TET1: variants seen among roughly 807,000 people sequenced by gnomAD.
TET1 encodes the protein tet methylcytosine dioxygenase 1, also known as methylcytosine dioxygenase TET1.
In TET1, 13 loss-of-function variants were observed where a neutral mutation model predicts 148.7. That is an observed-to-expected ratio of 0.09 (90% confidence interval 0.06 to 0.14). The LOEUF (loss-of-function observed/expected upper bound fraction) is 0.14, where lower values mean the gene tolerates loss of function less well. Ranked by LOEUF, TET1 falls within the 10% of genes least tolerant of loss-of-function variation. TET1 has a pLI of 1.00. For synonymous variants in TET1, 907 were observed against 937.2 expected, an observed-to-expected ratio of 0.97 and a Z score of 0.59; for missense variants, 2,182 against 2,553.8, an observed-to-expected ratio of 0.85 and a Z score of 3.14.
At chr10:68,568,475 A>G (rs556876481) in intron 1 of TET1, among the ~76,000 whole-genome samples, 2 of 152,244 alleles carry the variant, frequency 1.3e-5, no homozygotes, top group South Asian at 4.2e-4. Flanking sequence ...TGTCCACCTC[A>G]GGTGATCTGT....
chr10:68,681,987 A>G (rs1228258087), intron 9 of TET1, among the ~76,000 whole-genome samples: 3 of 150,862 alleles, frequency 2.0e-5, no homozygotes. Context: ...AACAAAAAAA[A>G]CCAGTCATTG....
In TET1 at chr10:68,572,987, C is replaced by T. The variant is rs1329994043; in HGVS notation, c.649C>T (p.Pro217Ser). 1.2e-6 allele frequency: 2 copies of T among 1,613,970 alleles called. No individual in the cohort carries two copies. The highest frequency in any genetic ancestry group is 2.7e-5 in the African/African-American group (2 of 74,908). Reference sequence around the variant, plus strand: ...CCCTGCAGCTGAGATCCTTCCTGGGCCACTGGAAGGGACACGCTGTGGTGA... The same window carrying T: ...CCCTGCAGCTGAGATCCTTCCTGGGTCACTGGAAGGGACACGCTGTGGTGA... ...SGPAAEILPG[P>S]LEGTRCGEGL... is the part of the protein sequence containing the mutation. Residue 217 changes from proline to serine, a missense_variant, in exon 2 of 12, where the codon CCA (proline) becomes TCA (serine). Coordinates refer to ENST00000373644, the MANE Select transcript of TET1 (RefSeq NM_030625.3).
intron 6 of TET1, among the ~76,000 whole-genome samples, chr10:68,662,082 C>T (rs2055128259): frequency 6.6e-6 from 1 of 152,006 alleles, no homozygotes; most frequent in African/African-American, 2.4e-5. Context: ...ACCATGTTGG[C>T]CATGCTGGTC....
At chr10:68,636,821 TG>T (rs1016516955) in intron 3 of TET1, among the ~76,000 whole-genome samples, 3 of 152,124 alleles carry the variant, frequency 2.0e-5, no homozygotes, top group African/African-American at 7.2e-5. Context: ...GATCCACTTT[TG>T]GGGCAGCACT....
rs747575204 is a variant in TET1, at chr10:68,573,516, C to G, written c.1178C>G (p.Pro393Arg). ...PVHGEALGET[P>R]DLPEIPGAIP... ...CATGGTGAGGCCCTGGGTGAGACCC[C>G]AGATCTACCAGAGATTCCTGGTGCT... Residue 393 changes from proline (P) to arginine (R), a missense_variant, in exon 2 of 12, where the codon CCA (proline) becomes CGA (arginine). By Grantham distance (103) the Pro-to-Arg change is moderately radical. Around this residue, in one of 11 missense-constraint regions of TET1, gnomAD observed 665 missense variants for 672.4 expected, o/e 0.99. Transcript: ENST00000373644. 5.6e-6 allele frequency: 9 copies of G among 1,613,994 alleles called. No individual in the cohort carries two copies.
chr10:68,642,529 G>A (rs2054773341), intron 3 of TET1, among the ~76,000 whole-genome samples: 1 of 152,114 alleles, frequency 6.6e-6, no homozygotes, highest in African/African-American at 2.4e-5. Flanking sequence ...TTGGGGTTTT[G>A]AAAATGCTCT....
intron 7 of TET1, among the ~76,000 whole-genome samples, chr10:68,668,943 C>G (rs1355539176): frequency 6.6e-6 from 1 of 151,462 alleles, no homozygotes; most frequent in Admixed American, 6.6e-5. Flanking sequence ...TATGATGATG[C>G]CACTGAACTC....
At chr10:68,576,838 C>A (rs1364682553) in intron 2 of TET1, among the ~76,000 whole-genome samples, 1 of 151,994 alleles carries the variant, frequency 6.6e-6, no homozygotes, top group Non-Finnish European at 1.5e-5. Flanking sequence ...CTCCCAAGTT[C>A]AAGTGATTCT....
rs2055052435 is a variant in TET1 at position 68,658,120 on chromosome 10, T to C, written c.4461+5526T>C. Among the ~76,000 whole-genome samples the C allele has an allele frequency of 3.3e-5, 5 of 152,336 alleles. No individual in the cohort carries two copies. In the South Asian group the frequency reaches 1.0e-3, roughly 32 times the overall value. On this transcript the variant is annotated intron_variant, in intron 6 of 11. Coordinates refer to ENST00000373644, the MANE Select transcript of TET1 (RefSeq NM_030625.3). ...TCTATATCAAGCATCGTTTCATGATTTCATTTTTTAAAATCTCCATGTATA... is the reference window on the plus strand; with the variant it reads ...TCTATATCAAGCATCGTTTCATGATCTCATTTTTTAAAATCTCCATGTATA...
intron 2 of TET1, among the ~76,000 whole-genome samples, chr10:68,594,089 C>T (rs2053951549): frequency 1.3e-5 from 2 of 151,234 alleles, no homozygotes; most frequent in Admixed American, 1.3e-4. Flanking sequence ...CCATGCCTGG[C>T]TAATTTTTGT....
chr10:68,691,278 G>A lies in TET1; in HGVS notation c.5875G>A (p.Glu1959Lys), dbSNP rs377757212. Reference protein sequence around the residue: ...PQDLASSPMEEDEQHSEADEP... With the variant: ...PQDLASSPMEKDEQHSEADEP... ...AGACCTTGCCTCTTCTCCAATGGAA[G>A]AAGATGAGCAGCATTCTGAAGCAGA... The change falls in exon 12 of 12, where the codon GAA (glutamate) becomes AAA (lysine). Residue 1959 changes from glutamate to lysine, a missense_variant. This residue lies in a region of TET1 where 380 missense variants were observed against 387.9 expected (regional missense o/e 0.98). Coordinates refer to ENST00000373644, the MANE Select transcript of TET1 (RefSeq NM_030625.3). The surrounding 1 kb of genome is among the most constrained non-coding windows in gnomAD (Gnocchi z 4.4). The A allele has an allele frequency of 1.2e-6, 2 of 1,614,008 alleles. No individual in the cohort carries two copies. Among genetic ancestry groups the A allele is most frequent in the African/African-American group, 2.7e-5 (2 of 74,896 alleles).
At chr10:68,637,091 C>T (rs551877865) in intron 3 of TET1, among the ~76,000 whole-genome samples, 130 of 151,854 alleles carry the variant, frequency 8.6e-4, no homozygotes, top group African/African-American at 2.8e-3. Context: ...CTCCGCCTTC[C>T]GGGTTCAAGT....
chr10:68,560,992 G>A (rs1180840871), intron 1 of TET1, among the ~76,000 whole-genome samples: 2 of 152,214 alleles, frequency 1.3e-5, no homozygotes, highest in African/African-American at 4.8e-5. Flanking sequence ...ACCCGCTCCG[G>A]AGGCCCCGCC....
chr10:68,589,558 C>T (rs1157538615), intron 2 of TET1, among the ~76,000 whole-genome samples: 1 of 151,958 alleles, frequency 6.6e-6, no homozygotes, highest in Non-Finnish European at 1.5e-5. Context: ...CCTGCCTCGG[C>T]CTCCCAAAGT....
At chr10:68,596,111 T>C (rs1349355407) in intron 2 of TET1, among the ~76,000 whole-genome samples, 1 of 147,188 alleles carries the variant, frequency 6.8e-6, no homozygotes, top group Non-Finnish European at 1.5e-5. Context: ...CAATCTCAGC[T>C]CACTACAAAC....
intron 3 of TET1, among the ~76,000 whole-genome samples, chr10:68,607,896 G>T (rs981571520): frequency 1.3e-5 from 2 of 150,092 alleles, no homozygotes; most frequent in Non-Finnish European, 1.5e-5. Flanking sequence ...CAACCAAAAT[G>T]GCCTATGCAA....
In TET1 at chr10:68,646,749, C is replaced by T; in HGVS notation, c.4020C>T (p.Ile1340=). The T allele has an allele frequency of 6.2e-7, 1 of 1,614,138 alleles. No individual in the cohort carries two copies. Among genetic ancestry groups the T allele is most frequent in the South Asian group, 1.1e-5 (1 of 91,086 alleles). ...MHQRLPTLPG[I]SHETPLPESA... The stretch of plus-strand genomic sequence containing the variant: ...AGAGACTGCCAACATTGCCTGGTAT[C>T]TCTCATGAAACACCCTTACCGGAGT... The change falls in exon 4 of 12, where the codon ATC becomes ATT. Residue 1340 remains isoleucine (I), a synonymous_variant. Transcript: ENST00000373644.
intron 6 of TET1, 68 bp from the exon 7 acceptor site, chr10:68,666,977 A>G (rs1046893863): frequency 7.0e-6 from 9 of 1,293,380 alleles, no homozygotes; most frequent in Non-Finnish European, 9.7e-6. Context: ...GAACATCAAA[A>G]GGAATATCCA....
intron 10 of TET1, 28 bp downstream of exon 10, chr10:68,683,001 A>C (rs548057989): frequency 6.2e-7 from 1 of 1,611,074 alleles, no homozygotes; most frequent in Non-Finnish European, 8.5e-7. Context: ...TTTGTATTCT[A>C]AAAGCTCCAT....
Sources: gnomAD v4.1 joint callset for allele counts (sites outside exome capture counted in the v4.1 genomes callset) on GRCh38, gnomAD v4.1.1 for gene constraint, gnomAD v4.1.1 regional missense constraint, Gnocchi (gnomAD v3.1) non-coding constraint, MANE v1.5 for transcripts, NCBI Gene and HGNC (gene_info 2026-07-23, HGNC 2026-07-21) for gene names.